Variants in LDAH observed in about 807,000 individuals in gnomAD.
The protein encoded by LDAH is lipid droplet associated hydrolase, also known as lipid droplet-associated hydrolase.
Under a neutral mutation model 29.6 loss-of-function variants are expected in LDAH, and 26 were observed. The observed-to-expected ratio is 0.88, with a 90% CI of 0.64 to 1.22. LDAH has a LOEUF of 1.22. Ranked by LOEUF, LDAH falls within the 50% of genes most tolerant of loss-of-function variation. The pLI, the probability that LDAH is intolerant of heterozygous loss-of-function variation, is 0.00. For missense variants in LDAH, 344 were observed against 387.3 expected, an observed-to-expected ratio of 0.89 and a Z score of 0.94; for synonymous variants, 117 against 133.0, an observed-to-expected ratio of 0.88 and a Z score of 0.83.
intron 4 of LDAH, among the ~76,000 whole-genome samples, chr2:20,743,509 G>A (rs191889465): frequency 2.6e-5 from 4 of 152,116 alleles, no homozygotes; most frequent in Non-Finnish European, 5.9e-5. Flanking sequence ...TCCTTGTGTT[G>A]TTGTCATTCA....
At chr2:20,705,586 A>G (rs553829760) in intron 5 of LDAH, among the ~76,000 whole-genome samples, 6 of 151,880 alleles carry the variant, frequency 4.0e-5, no homozygotes, top group African/African-American at 1.4e-4. Flanking sequence ...TCTCTTTTTC[A>G]ATTTGTATTA....
chr2:20,805,975 A>C (rs1672041804), intron 1 of LDAH, among the ~76,000 whole-genome samples: 1 of 152,054 alleles, frequency 6.6e-6, no homozygotes, highest in Admixed American at 6.6e-5. Context: ...TTGAAAGTGG[A>C]GTTATAAATA....
intron 1 of LDAH, among the ~76,000 whole-genome samples, chr2:20,819,216 ATT>A (rs58864235): frequency 1.5e-4 from 22 of 151,564 alleles, no homozygotes; most frequent in African/African-American, 4.8e-4. Context: ...TACACACACA[ATT>A]TTTTTTTAAT....
intron 4 of LDAH, among the ~76,000 whole-genome samples, chr2:20,759,271 A>C (rs1452484820): frequency 6.6e-6 from 1 of 152,022 alleles, no homozygotes; most frequent in Non-Finnish European, 1.5e-5. Flanking sequence ...TCCTAGGGAG[A>C]GGTTTGCAGT....
chr2:20,731,561 C>G (rs1666411542), intron 5 of LDAH, among the ~76,000 whole-genome samples: 1 of 152,134 alleles, frequency 6.6e-6, no homozygotes, highest in Admixed American at 6.6e-5. Flanking sequence ...TCTTCCAATC[C>G]ATGAACACAG....
chr2:20,736,881 T>C (rs374949971), intron 5 of LDAH, among the ~76,000 whole-genome samples: 7 of 152,224 alleles, frequency 4.6e-5, no homozygotes, highest in East Asian at 1.9e-4. Context: ...TCTTTGAGAT[T>C]TACTCATTTC....
intron 6 of LDAH, among the ~76,000 whole-genome samples, chr2:20,689,927 C>A (rs1662869632): frequency 6.6e-6 from 1 of 152,188 alleles, no homozygotes; most frequent in Non-Finnish European, 1.5e-5. Flanking sequence ...GCAGTCAGCT[C>A]AAAGGAAAGC....
intron 4 of LDAH, among the ~76,000 whole-genome samples, chr2:20,759,423 A>C (rs1040169666): frequency 6.6e-6 from 1 of 152,202 alleles, no homozygotes; most frequent in Admixed American, 6.5e-5. Flanking sequence ...CTTGTGAAGC[A>C]TCTTTCATTT....
intron 4 of LDAH, among the ~76,000 whole-genome samples, chr2:20,750,682 T>A (rs929908754): frequency 6.6e-6 from 1 of 152,218 alleles, no homozygotes; most frequent in African/African-American, 2.4e-5. Flanking sequence ...ACTAACTTTG[T>A]CATTCTACCA....
At chr2:20,689,537 G>A (rs573599476) in intron 6 of LDAH, among the ~76,000 whole-genome samples, 33 of 152,258 alleles carry the variant, frequency 2.2e-4, no homozygotes, top group African/African-American at 7.9e-4. Flanking sequence ...ACGTTTCCCC[G>A]GATCTCTCAG....
At chr2:20,759,086 G>A (rs893503376) in intron 4 of LDAH, among the ~76,000 whole-genome samples, 2 of 152,160 alleles carry the variant, frequency 1.3e-5, no homozygotes, top group African/African-American at 4.8e-5. Context: ...ATTATGAAAG[G>A]GGAAAAGGCT....
intron 1 of LDAH, among the ~76,000 whole-genome samples, chr2:20,805,721 G>C (rs936098328): frequency 6.6e-6 from 1 of 152,068 alleles, no homozygotes; most frequent in Non-Finnish European, 1.5e-5. Flanking sequence ...TATTTAGTAA[G>C]AGGGTTTTTT....
chr2:20,802,774 A>G (rs1470863777), intron 1 of LDAH, among the ~76,000 whole-genome samples: 1 of 152,178 alleles, frequency 6.6e-6, no homozygotes, highest in Non-Finnish European at 1.5e-5. Flanking sequence ...ATTTAATCCC[A>G]TAACTGTACT....
intron 1 of LDAH, among the ~76,000 whole-genome samples, chr2:20,813,023 A>C (rs1672605409): frequency 6.6e-6 from 1 of 152,244 alleles, no homozygotes; most frequent in Admixed American, 6.5e-5. Flanking sequence ...GTAAAGTGGC[A>C]GAGTCAGAAT....
chr2:20,773,651 A>T (rs928076109), intron 4 of LDAH, among the ~76,000 whole-genome samples: 1 of 152,176 alleles, frequency 6.6e-6, no homozygotes, highest in Non-Finnish European at 1.5e-5. Flanking sequence ...CTTATACCCA[A>T]TAATAATTTA....
intron 5 of LDAH, among the ~76,000 whole-genome samples, chr2:20,727,395 C>G (rs1412847960): frequency 6.6e-6 from 1 of 152,088 alleles, no homozygotes; most frequent in East Asian, 1.9e-4. Context: ...GATGCAAATG[C>G]TTATGTTGTC....
At chr2:20,775,114 G>T in intron 3 of LDAH, 135 bp from the exon 4 acceptor site, 1 of 715,814 alleles carries the variant, frequency 1.4e-6, no homozygotes. Flanking sequence ...GATAATATTA[G>T]GCATTCATTA....
At chr2:20,708,741 G>C (rs1664489539) in intron 5 of LDAH, among the ~76,000 whole-genome samples, 1 of 152,140 alleles carries the variant, frequency 6.6e-6, no homozygotes, top group African/African-American at 2.4e-5. Context: ...GTAGGAAAGA[G>C]AAATACATCT....
chr2:20,796,332 C>G (rs1334011165), intron 2 of LDAH, among the ~76,000 whole-genome samples: 1 of 152,150 alleles, frequency 6.6e-6, no homozygotes, highest in African/African-American at 2.4e-5. Flanking sequence ...GGAATAAATA[C>G]TATCTCCAGG....
Sources: gnomAD v4.1 joint callset for allele counts (sites outside exome capture counted in the v4.1 genomes callset) on GRCh38, gnomAD v4.1.1 for gene constraint, MANE v1.5 for transcripts, NCBI Gene and HGNC (gene_info 2026-07-23, HGNC 2026-07-21) for gene names.